Variants in NRP2 observed in about 807,000 individuals in gnomAD.
The protein encoded by NRP2 is neuropilin-2.
In NRP2, 52 loss-of-function variants were observed where a neutral mutation model predicts 110.4. That is an observed-to-expected ratio of 0.47 (90% CI 0.38 to 0.59). NRP2 has a LOEUF of 0.59. Ranked by LOEUF, NRP2 falls within the 20% of genes least tolerant of loss-of-function variation. The pLI is 0.00. For synonymous variants in NRP2, 508 were observed against 468.9 expected (o/e 1.08, Z -1.08); for missense variants, 1,049 against 1,203.0 (o/e 0.87, Z 1.89).
Position 205,682,696 on chromosome 2 carries a change from C to G in NRP2, c.-595C>G. 1 of 164,354 alleles carries G rather than the reference C, an allele frequency of 6.1e-6. No homozygotes were observed. The highest frequency in any genetic ancestry group is 1.3e-5 in the Non-Finnish European group (1 of 76,906). 10.2% of individuals were successfully genotyped at this position (164,354 alleles called of 1,614,324 possible). On this transcript the variant is annotated 5_prime_UTR_variant, in exon 1 of 17. Transcript: ENST00000357785. This position sits in a 1 kb window ranked among gnomAD's most constrained non-coding sequence, Gnocchi z 4.3. ...AGCAGCAGCTTCCTTCCTCAGACTC[C>G]CCTCGAGAGGCTGGCCAAGCGGGTG... is the stretch of plus-strand genomic sequence containing the variant.
At chr2:205,702,328 G>A (rs1022419894) in intron 2 of NRP2, among the ~76,000 whole-genome samples, 2 of 152,220 alleles carry the variant, frequency 1.3e-5, no homozygotes, top group African/African-American at 4.8e-5. Context: ...CTTTGCTCAA[G>A]CCAGTGCAAT....
At chr2:205,768,023 C>T (rs1210589699) in intron 15 of NRP2, 1 of 152,308 alleles carries the variant, frequency 6.6e-6, no homozygotes, top group Non-Finnish European at 1.5e-5. Context: ...TCCCTGACTC[C>T]AAATCATCTC....
chr2:205,738,901 C>A (rs1232865073), intron 7 of NRP2, among the ~76,000 whole-genome samples: 1 of 152,146 alleles, frequency 6.6e-6, no homozygotes, highest in Non-Finnish European at 1.5e-5. Flanking sequence ...CTTCAGCCAG[C>A]CACTTCCCTT....
At chr2:205,724,237 A>G (rs2057080307) in intron 5 of NRP2, among the ~76,000 whole-genome samples, 1 of 152,238 alleles carries the variant, frequency 6.6e-6, no homozygotes, top group African/African-American at 2.4e-5. Flanking sequence ...TCATCTATGA[A>G]TGAAAGAGAG....
At chr2:205,708,611 G>A (rs542355982) in intron 2 of NRP2, among the ~76,000 whole-genome samples, 2 of 152,332 alleles carry the variant, frequency 1.3e-5, no homozygotes, top group East Asian at 3.9e-4. Flanking sequence ...CATCATCGCA[G>A]GGCCTTTGCG....
chr2:205,745,222 G>A (rs1559343225), intron 9 of NRP2, among the ~76,000 whole-genome samples: 1 of 152,214 alleles, frequency 6.6e-6, no homozygotes, highest in Non-Finnish European at 1.5e-5. Flanking sequence ...CTATCGATGT[G>A]TGACCAGAAG....
chr2:205,718,717 G>A (rs1163016820), intron 3 of NRP2, among the ~76,000 whole-genome samples: 3 of 152,154 alleles, frequency 2.0e-5, no homozygotes, highest in Non-Finnish European at 4.4e-5. Context: ...TGTGGCAGGC[G>A]GATCACCTGA....
intron 8 of NRP2, among the ~76,000 whole-genome samples, chr2:205,741,424 G>C (rs962545088): frequency 1.3e-5 from 2 of 152,180 alleles, no homozygotes; most frequent in African/African-American, 2.4e-5. Context: ...TCAATGGCAC[G>C]GTGGCAAGAG....
intron 15 of NRP2, among the ~76,000 whole-genome samples, chr2:205,785,894 AAGCCCCC>A (rs2058230821): frequency 6.6e-6 from 1 of 152,206 alleles, no homozygotes; most frequent in African/African-American, 2.4e-5. Context: ...ATCTCACACC[AAGCCCCC>A]TCCTTTTTTT....
intron 15 of NRP2, among the ~76,000 whole-genome samples, chr2:205,773,216 A>C (rs1362700106): frequency 1.3e-5 from 2 of 152,200 alleles, no homozygotes; most frequent in African/African-American, 4.8e-5. Flanking sequence ...CTGCCTTTGG[A>C]GTTGAGTCTT....
chr2:205,710,741 T>C (rs112207060), intron 2 of NRP2, among the ~76,000 whole-genome samples: 2 of 152,318 alleles, frequency 1.3e-5, no homozygotes, highest in African/African-American at 2.4e-5. Context: ...TGCTGTTTTT[T>C]TTCCTCCTAA....
At chr2:205,749,891 G>A in intron 11 of NRP2, 50 bp downstream of exon 11, 1 of 1,425,954 alleles carries the variant, frequency 7.0e-7, no homozygotes, top group Non-Finnish European at 9.9e-7. Context: ...AGTCAGAGTG[G>A]GAGCTGGCCT....
chr2:205,784,671 G>C (rs1008115674), intron 15 of NRP2, among the ~76,000 whole-genome samples: 2 of 152,182 alleles, frequency 1.3e-5, no homozygotes, highest in African/African-American at 2.4e-5. Context: ...CTCTTTCTCT[G>C]TGGAGGAGCT....
chr2:205,759,161 T>C (rs1359896034), intron 12 of NRP2, among the ~76,000 whole-genome samples: 4 of 152,180 alleles, frequency 2.6e-5, no homozygotes, highest in African/African-American at 9.7e-5. Flanking sequence ...CCCTAGAAAG[T>C]AGACATTTGA....
At chr2:205,749,678 A>C in intron 10 of NRP2, 47 bp from the exon 11 acceptor site, 2 of 1,496,224 alleles carry the variant, frequency 1.3e-6, no homozygotes, top group South Asian at 2.3e-5. Flanking sequence ...CTGGGTTGCA[A>C]CACAGGCTGC....
chr2:205,710,187 C>T (rs569471972), intron 2 of NRP2, among the ~76,000 whole-genome samples: 13 of 152,280 alleles, frequency 8.5e-5, no homozygotes, highest in Middle Eastern at 3.4e-3. Flanking sequence ...TATGGCAATC[C>T]GGTATTTTCA....
chr2:205,790,869 C>T (rs2058293516), intron 15 of NRP2, among the ~76,000 whole-genome samples: 1 of 152,204 alleles, frequency 6.6e-6, no homozygotes, highest in African/African-American at 2.4e-5. Context: ...GTGCTTTAAA[C>T]ATGCAAGGAA....
intron 2 of NRP2, among the ~76,000 whole-genome samples, chr2:205,704,237 C>T (rs1243212717): frequency 1.3e-5 from 2 of 152,174 alleles, no homozygotes; most frequent in Non-Finnish European, 2.9e-5. Context: ...GGGCGGGAGG[C>T]CAGATTGCCC....
chr2:205,745,829 G>C lies in NRP2; in HGVS notation c.1725G>C (p.Pro575=), dbSNP rs778602865. The change falls in exon 10 of 17, where the codon CCG becomes CCC. Residue 575 remains proline (P), a synonymous_variant. Coordinates refer to ENST00000357785, the MANE Select transcript of NRP2 (RefSeq NM_003872.3). ...CGGCACAGTATGTGCGGGTATACCC[G>C]GAGAGGTGGTCGCCGGCGGGGATTG... The part of the protein sequence containing the change: ...PIPAQYVRVY[P]ERWSPAGIGM... The C allele has an allele frequency of 6.2e-7, 1 of 1,614,206 alleles. No individual in the cohort carries two copies. Among genetic ancestry groups the C allele is most frequent in the Admixed American group, 1.7e-5 (1 of 60,028 alleles).
Sources: gnomAD v4.1 joint callset for allele counts (sites outside exome capture counted in the v4.1 genomes callset) on GRCh38, gnomAD v4.1.1 for gene constraint, Gnocchi (gnomAD v3.1) non-coding constraint, MANE v1.5 for transcripts, NCBI Gene and HGNC (gene_info 2026-07-23, HGNC 2026-07-21) for gene names.